The following ZNF423 variants were observed in gnomAD, a reference collection of about 807,000 sequenced individuals.
ZNF423 encodes Ebf-associated zinc finger protein.
A neutral mutation model predicts 95.8 loss-of-function variants in ZNF423; 12 were observed. The ratio of observed to expected loss-of-function variants is 0.13; its 90% CI spans 0.08 to 0.20. The LOEUF (loss-of-function observed/expected upper bound fraction) is 0.20, where lower values mean the gene tolerates loss of function less well. ZNF423 is among the 10% of genes least tolerant of loss of function. The pLI, the probability that ZNF423 is intolerant of heterozygous loss-of-function variation, is 1.00. For synonymous variants in ZNF423, 749 were observed against 711.9 expected, an observed-to-expected ratio of 1.05 and a Z score of -0.83; for missense variants, 1,316 against 1,737.1, an observed-to-expected ratio of 0.76 and a Z score of 4.31.
At chr16:49,657,831 T>C (rs9972735) in intron 3 of ZNF423, among the ~76,000 whole-genome samples, 8,273 of 152,218 alleles carry the variant, frequency 0.054, 318 homozygotes, top group African/African-American at 0.1. Context: ...AAGGTACAAC[T>C]GCCACAGATG....
At position 49,769,127 on chromosome 16, in the gene ZNF423, G is replaced by A. The variant is rs147090730; in HGVS notation, c.100+20360C>T. Among the ~76,000 whole-genome samples the A allele has an allele frequency of 6.3e-3, 961 of 152,180 alleles. 13 individuals carry two copies. Among genetic ancestry groups the A allele is most frequent in the African/African-American group, 0.022 (925 of 41,538 alleles). Reference sequence around the variant, plus strand: ...TCCCAGCACTTTGGGAGGCCGAGGCGGGTGGATCACCTGAGGTCAGGAGTT... The same window carrying A: ...TCCCAGCACTTTGGGAGGCCGAGGCAGGTGGATCACCTGAGGTCAGGAGTT... On this transcript the variant is annotated intron_variant, in intron 2 of 7. Coordinates refer to ENST00000563137, the MANE Select transcript of ZNF423 (RefSeq NM_001379286.1).
At chr16:49,555,058 A>T (rs1259160070) in intron 5 of ZNF423, among the ~76,000 whole-genome samples, 1 of 152,192 alleles carries the variant, frequency 6.6e-6, no homozygotes, top group African/African-American at 2.4e-5. Context: ...TCTGTATTTC[A>T]TGGGTTCATT....
chr16:49,730,749 T>C (rs1457859577), intron 3 of ZNF423, 22 bp downstream of exon 3: 1 of 1,614,034 alleles, frequency 6.2e-7, no homozygotes, highest in South Asian at 1.1e-5. Context: ...CCTGTCAGAG[T>C]CCTGGGGCTG....
rs188516996 is a variant in ZNF423 at position 49,606,829 on chromosome 16, A to C, written c.3601+19341T>G. Among the ~76,000 whole-genome samples the C allele has an allele frequency of 1.6e-3, 248 of 152,254 alleles. 2 individuals carry two copies. Among genetic ancestry groups the C allele is most frequent in the East Asian group, 3.1e-3 (16 of 5,174 alleles). ...CTGAGTAATGCTCCTGCCATCTCTG[A>C]AACAAGGCCTCCCAAGTCTCCGAGC... On this transcript the variant is annotated intron_variant, in intron 5 of 7. Transcript: ENST00000563137.
At chr16:49,654,677 G>A (rs8054645) in intron 3 of ZNF423, among the ~76,000 whole-genome samples, 4,381 of 152,320 alleles carry the variant, frequency 0.029, 220 homozygotes, top group African/African-American at 0.1. Flanking sequence ...GGTAGGACCC[G>A]TGATCATTTT....
intron 2 of ZNF423, among the ~76,000 whole-genome samples, chr16:49,735,196 C>A (rs2033256676): frequency 6.6e-6 from 1 of 152,102 alleles, no homozygotes; most frequent in African/African-American, 2.4e-5. Flanking sequence ...TCTTTCAACC[C>A]CATAAACTTC....
At chr16:49,764,596 A>G (rs1342882220) in intron 2 of ZNF423, 2 of 152,026 alleles carry the variant, frequency 1.3e-5, no homozygotes, top group African/African-American at 4.8e-5. Context: ...ATGAGAAGCC[A>G]TGCCACCAGC....
intron 1 of ZNF423, among the ~76,000 whole-genome samples, chr16:49,832,811 C>T (rs1225340878): frequency 6.6e-6 from 1 of 152,170 alleles, no homozygotes; most frequent in Non-Finnish European, 1.5e-5. Flanking sequence ...GAAGCAGTCA[C>T]CACCCCCAGC....
chr16:49,602,775 G>A (rs2151833230), intron 5 of ZNF423, among the ~76,000 whole-genome samples: 1 of 152,264 alleles, frequency 6.6e-6, no homozygotes, highest in South Asian at 2.1e-4. Flanking sequence ...TCCTCCCAGG[G>A]AAGGGCTCCG....
At position 49,789,477 on chromosome 16, in the gene ZNF423, G is replaced by A. The variant is rs374060172; in HGVS notation, c.100+10C>T. 7.7e-5 allele frequency: 124 copies of A among 1,610,972 alleles called. No homozygotes were observed. The African/African-American group carries it at 1.1e-3, about 15-fold the overall frequency. The stretch of plus-strand genomic sequence containing the variant: ...CCCTGCAACTCTTCCACCAGCCCCC[G>A]GGCATTTACCTGCTGCTGTCACGGA... On this transcript the variant is annotated intron_variant, in intron 2 of 7. Coordinates refer to ENST00000563137, the MANE Select transcript of ZNF423 (RefSeq NM_001379286.1).
chr16:49,566,772 G>T (rs9923602), intron 5 of ZNF423, among the ~76,000 whole-genome samples: 54,175 of 151,992 alleles, frequency 0.36, 10,025 homozygotes, highest in East Asian at 0.61. Context: ...CGGGCAGCGC[G>T]GGGAGGTGGT....
At chr16:49,687,931 C>T (rs571828362) in intron 3 of ZNF423, among the ~76,000 whole-genome samples, 356 of 152,188 alleles carry the variant, frequency 2.3e-3, no homozygotes, top group Non-Finnish European at 4.0e-3. Flanking sequence ...GGGAGGGACA[C>T]GGCTGCATCT....
upstream of ZNF423, among the ~76,000 whole-genome samples, chr16:49,858,715 G>GA (rs1018581025): frequency 1.5e-5 from 1 of 68,590 alleles, no homozygotes; most frequent in African/African-American, 5.4e-5. The surrounding 1 kb of genome is among the most constrained non-coding windows in gnomAD (Gnocchi z 4.3). Flanking sequence ...GAGGGAATAG[G>GA]AGCCCCCCCC....
intron 3 of ZNF423, among the ~76,000 whole-genome samples, chr16:49,690,398 C>A (rs1013552225): frequency 6.6e-6 from 1 of 152,272 alleles, no homozygotes; most frequent in African/African-American, 2.4e-5. Context: ...GTAGTGCACA[C>A]CTGGAGTCTG....
chr16:49,504,970 AG>A (rs1967573329), intron 7 of ZNF423, among the ~76,000 whole-genome samples: 1 of 152,196 alleles, frequency 6.6e-6, no homozygotes, highest in Non-Finnish European at 1.5e-5. Context: ...TGCTGCAGGA[AG>A]GAAGTGTCTG....
At chr16:49,790,008 C>A (rs1004752978) in intron 1 of ZNF423, among the ~76,000 whole-genome samples, 2 of 152,166 alleles carry the variant, frequency 1.3e-5, no homozygotes, top group Non-Finnish European at 2.9e-5. Context: ...GCCTCCCCCC[C>A]ATTCCACCCA....
intron 5 of ZNF423, among the ~76,000 whole-genome samples, chr16:49,531,343 C>T (rs1030256099): frequency 1.3e-5 from 2 of 151,538 alleles, no homozygotes; most frequent in Non-Finnish European, 2.9e-5. Flanking sequence ...TGTAAATGGG[C>T]GCGGTAAATG....
intron 2 of ZNF423, among the ~76,000 whole-genome samples, chr16:49,749,115 C>T (rs2033583838): frequency 6.6e-6 from 1 of 152,174 alleles, no homozygotes. Flanking sequence ...CAAGCCAAGG[C>T]ACCACTCCAC....
chr16:49,597,416 T>TA (rs1247312222), intron 5 of ZNF423, among the ~76,000 whole-genome samples: 7 of 152,194 alleles, frequency 4.6e-5, no homozygotes, highest in African/African-American at 1.4e-4. Context: ...AAAAGAATGT[T>TA]AAAAAAGTCT....
Sources: allele counts gnomAD v4.1 joint callset (sites outside exome capture counted in the v4.1 genomes callset), GRCh38; gene constraint gnomAD v4.1.1; non-coding constraint Gnocchi (gnomAD v3.1); transcripts MANE v1.5; gene names NCBI Gene and HGNC (gene_info 2026-07-23, HGNC 2026-07-21).